Variants in THRB observed in about 807,000 individuals in gnomAD.
THRB encodes nuclear receptor subfamily 1 group A member 2.
A neutral mutation model predicts 47.8 loss-of-function variants in THRB; 12 were observed. That is an observed-to-expected ratio of 0.25 (90% CI 0.16 to 0.41). The LOEUF is 0.41. THRB is among the 10% of genes least tolerant of loss of function. The pLI is 1.00. For missense variants in THRB, 348 were observed against 589.2 expected (o/e 0.59, Z 4.24); for synonymous variants, 218 against 212.2 (o/e 1.03, Z -0.24).
chr3:24,456,546 C>T (rs1397858135), intron 1 of THRB, among the ~76,000 whole-genome samples: 3 of 150,960 alleles, frequency 2.0e-5, no homozygotes, highest in African/African-American at 4.9e-5. Flanking sequence ...AGTTTGTATA[C>T]TATCTTATAC....
At chr3:24,464,648 A>T (rs553309313) in intron 1 of THRB, among the ~76,000 whole-genome samples, 58 of 152,156 alleles carry the variant, frequency 3.8e-4, no homozygotes, top group African/African-American at 1.3e-3. Context: ...GACTCATTTC[A>T]GTTGTCTTAT....
intron 1 of THRB, among the ~76,000 whole-genome samples, chr3:24,392,030 G>T (rs887415955): frequency 6.6e-6 from 1 of 152,080 alleles, no homozygotes; most frequent in Non-Finnish European, 1.5e-5. Context: ...TGCCCTCATG[G>T]TGGCGACCCC....
chr3:24,228,806 A>G (rs1468382073), intron 4 of THRB, 132 bp downstream of exon 4: 1 of 832,148 alleles, frequency 1.2e-6, no homozygotes, highest in East Asian at 2.4e-5. Context: ...TATTCACAGG[A>G]TTTAATAACA....
chr3:24,258,069 C>T (rs1248259365), intron 3 of THRB, among the ~76,000 whole-genome samples: 1 of 152,158 alleles, frequency 6.6e-6, no homozygotes. Flanking sequence ...AATTTATTCA[C>T]CGCAGGGCTG....
intron 1 of THRB, among the ~76,000 whole-genome samples, chr3:24,391,135 C>T (rs2066538310): frequency 6.6e-6 from 1 of 152,120 alleles, no homozygotes; most frequent in African/African-American, 2.4e-5. Flanking sequence ...CTTTGGAGAG[C>T]AATATGGCTG....
intron 3 of THRB, among the ~76,000 whole-genome samples, chr3:24,277,384 A>G (rs1159890330): frequency 6.6e-6 from 1 of 152,174 alleles, no homozygotes; most frequent in Non-Finnish European, 1.5e-5. Context: ...AATCAGTAAT[A>G]TTCAAAATAC....
intron 1 of THRB, among the ~76,000 whole-genome samples, chr3:24,438,506 G>GGTAGGGGTGT (rs1553760716): frequency 6.9e-6 from 1 of 145,968 alleles, no homozygotes; most frequent in East Asian, 2.0e-4. Flanking sequence ...AGAACAAAAA[G>GGTAGGGGTGT]GTGTGTGTGT....
intron 3 of THRB, among the ~76,000 whole-genome samples, chr3:24,274,061 A>T (rs2053636403): frequency 6.6e-6 from 1 of 152,068 alleles, no homozygotes; most frequent in Admixed American, 6.6e-5. Flanking sequence ...TTTTTTCTTA[A>T]CATTATGCTC....
intron 2 of THRB, among the ~76,000 whole-genome samples, chr3:24,326,756 CTTTTTTTT>C (rs1174687260): frequency 5.2e-4 from 26 of 50,004 alleles, no homozygotes; most frequent in African/African-American, 1.5e-3. Context: ...CCAGTCTTGT[CTTTTTTTT>C]TTTTTTTTTT....
intron 1 of THRB, among the ~76,000 whole-genome samples, chr3:24,435,584 G>C (rs886545630): frequency 1.3e-5 from 2 of 152,110 alleles, no homozygotes; most frequent in African/African-American, 2.4e-5. Context: ...CATTTGACAC[G>C]TGCCTTGTAC....
chr3:24,141,950 C>G (rs2035505933), intron 8 of THRB, among the ~76,000 whole-genome samples: 1 of 152,230 alleles, frequency 6.6e-6, no homozygotes, highest in African/African-American at 2.4e-5. Flanking sequence ...ATTTGTCTAT[C>G]AATCCAGAAT....
chr3:24,332,455 A>T (rs970737782), intron 2 of THRB, among the ~76,000 whole-genome samples: 1 of 152,204 alleles, frequency 6.6e-6, no homozygotes, highest in African/African-American at 2.4e-5. Flanking sequence ...ATCTCTTCAC[A>T]AATTTAGCTA....
intron 2 of THRB, among the ~76,000 whole-genome samples, chr3:24,306,737 A>T (rs1009134974): frequency 6.6e-6 from 1 of 152,194 alleles, no homozygotes; most frequent in Non-Finnish European, 1.5e-5. Context: ...GAATTGGCAC[A>T]TTACTGTACC....
intron 4 of THRB, among the ~76,000 whole-genome samples, chr3:24,210,163 T>C (rs545208734): frequency 6.6e-5 from 10 of 152,284 alleles, no homozygotes; most frequent in African/African-American, 2.4e-4. Context: ...CCAAGGAGAA[T>C]TGGCAATTTG....
At chr3:24,287,177 C>T (rs1576566827) in intron 3 of THRB, among the ~76,000 whole-genome samples, 1 of 152,100 alleles carries the variant, frequency 6.6e-6, no homozygotes, top group African/African-American at 2.4e-5. Flanking sequence ...ATATTCTTTC[C>T]TTTGCCACTG....
intron 2 of THRB, among the ~76,000 whole-genome samples, chr3:24,309,626 GT>G (rs769189732): frequency 2.5e-4 from 38 of 152,200 alleles, no homozygotes; most frequent in East Asian, 9.6e-4. Flanking sequence ...GTCTTACTAA[GT>G]TCATCTTCCT....
chr3:24,276,273 A>G (rs2053906564), intron 3 of THRB, among the ~76,000 whole-genome samples: 1 of 152,152 alleles, frequency 6.6e-6, no homozygotes. Context: ...CTTTTAGGTA[A>G]CTCATCTGAA....
intron 8 of THRB, among the ~76,000 whole-genome samples, chr3:24,135,089 T>G (rs1387809911): frequency 6.6e-6 from 1 of 152,120 alleles, no homozygotes; most frequent in Non-Finnish European, 1.5e-5. Context: ...GTTCCCAGGG[T>G]GTGCTGATGA....
chr3:24,138,160 C>G lies in THRB; in HGVS notation c.739-4698G>C, dbSNP rs565573241. Among the ~76,000 whole-genome samples the G allele has an allele frequency of 4.6e-5, 7 of 152,162 alleles. 1 individual carries two copies. In the South Asian group the frequency reaches 1.5e-3, roughly 32 times the overall value. On this transcript the variant is annotated intron_variant, in intron 8 of 10. Transcript: ENST00000646209. Reference sequence around the variant, plus strand: ...CGCTGCCAGCTGACCTCTGCTGAGTCCTTGGCTCAGAGCCAAGGACTTCTT... The same window carrying G: ...CGCTGCCAGCTGACCTCTGCTGAGTGCTTGGCTCAGAGCCAAGGACTTCTT...
Sources: allele counts gnomAD v4.1 joint callset (sites outside exome capture counted in the v4.1 genomes callset), GRCh38; gene constraint gnomAD v4.1.1; transcripts MANE v1.5; gene names NCBI Gene and HGNC (gene_info 2026-07-23, HGNC 2026-07-21).